MAP3K13: variants seen among roughly 807,000 people sequenced by gnomAD.
MAP3K13 encodes the protein mitogen-activated protein kinase kinase kinase 13, also known as leucine zipper-bearing kinase.
Under a neutral mutation model 104.0 loss-of-function variants are expected in MAP3K13, and 52 were observed. That is an observed-to-expected ratio of 0.50 (90% CI 0.40 to 0.63). The LOEUF (loss-of-function observed/expected upper bound fraction) is 0.63, where lower values mean the gene tolerates loss of function less well. Among genes scored for constraint, MAP3K13 ranks in the 20% least tolerant of loss-of-function variants. The pLI is 0.00. For synonymous variants in MAP3K13, 394 were observed against 442.2 expected (o/e 0.89, Z 1.37); for missense variants, 914 against 1,218.5 (o/e 0.75, Z 3.72).
At chr3:185,323,534 T>G (rs1721940198) in intron 2 of MAP3K13, among the ~76,000 whole-genome samples, 1 of 152,094 alleles carries the variant, frequency 6.6e-6, no homozygotes. Context: ...GGTTTTTCAG[T>G]GTAGGTCAGG....
At chr3:185,386,175 C>T (rs1560077987) in intron 1 of MAP3K13, among the ~76,000 whole-genome samples, 1 of 151,882 alleles carries the variant, frequency 6.6e-6, no homozygotes. Flanking sequence ...CAACAAAGGT[C>T]TAATATTCAG....
chr3:185,292,661 T>A, intron 2 of MAP3K13: 2 of 985,352 alleles, frequency 2.0e-6, no homozygotes, highest in Non-Finnish European at 2.4e-6. Flanking sequence ...TTCCCTCAGA[T>A]TTTGGGCCTA....
chr3:185,320,818 GATTAAACTGC>G (rs57785815), intron 2 of MAP3K13, among the ~76,000 whole-genome samples: 118,132 of 152,024 alleles, frequency 0.78, 46,444 homozygotes, highest in Non-Finnish European at 0.84. Flanking sequence ...ATTTGGCAGA[GATTAAACTGC>G]AATTTAAATA....
At chr3:185,350,396 AG>A (rs1252989213) in intron 2 of MAP3K13, among the ~76,000 whole-genome samples, 2 of 152,166 alleles carry the variant, frequency 1.3e-5, no homozygotes, top group Non-Finnish European at 2.9e-5. Flanking sequence ...CATGTTGGTC[AG>A]GCTGGGCTCA....
At chr3:185,459,723 T>G (rs572029932) in intron 7 of MAP3K13, among the ~76,000 whole-genome samples, 1 of 152,278 alleles carries the variant, frequency 6.6e-6, no homozygotes, top group East Asian at 1.9e-4. Flanking sequence ...GTGCTGGGAT[T>G]ATAGACATGA....
At chr3:185,455,224 G>GAGAT (rs1445480511) in intron 7 of MAP3K13, among the ~76,000 whole-genome samples, 5 of 45,072 alleles carry the variant, frequency 1.1e-4, no homozygotes, top group Non-Finnish European at 1.9e-4. Context: ...ATATATATAT[G>GAGAT]ATATATATGA....
intron 2 of MAP3K13, among the ~76,000 whole-genome samples, chr3:185,310,409 A>G (rs1247110872): frequency 2.0e-5 from 3 of 152,258 alleles, no homozygotes; most frequent in Non-Finnish European, 4.4e-5. Flanking sequence ...AAAGCAATCA[A>G]CAGACCCAGA....
chr3:185,398,739 A>T (rs1712578600), intron 1 of MAP3K13, among the ~76,000 whole-genome samples: 1 of 152,244 alleles, frequency 6.6e-6, no homozygotes, highest in African/African-American at 2.4e-5. Context: ...CTTCCTTCTT[A>T]TACGTATGCA....
At chr3:185,479,605 G>T (rs1718330463) in intron 12 of MAP3K13, among the ~76,000 whole-genome samples, 1 of 152,346 alleles carries the variant, frequency 6.6e-6, no homozygotes, top group South Asian at 2.1e-4. Context: ...TCAGCTTGGA[G>T]TGTAGTGTTT....
chr3:185,396,027 T>G (rs1299268228), intron 1 of MAP3K13, among the ~76,000 whole-genome samples: 1 of 152,152 alleles, frequency 6.6e-6, no homozygotes, highest in Non-Finnish European at 1.5e-5. Context: ...TATTACTGGT[T>G]TCCTTTTTTG....
At chr3:185,468,239 A>G (rs1197095160) in intron 10 of MAP3K13, among the ~76,000 whole-genome samples, 1 of 152,160 alleles carries the variant, frequency 6.6e-6, no homozygotes, top group Admixed American at 6.5e-5. Flanking sequence ...ATAATTACCT[A>G]TATCTAACCA....
In MAP3K13 at chr3:185,382,648, A is replaced by G. The variant is rs566355478; in HGVS notation, c.-86+19280A>G. 4.4e-4 allele frequency among the ~76,000 whole-genome samples: 67 copies of G among 152,024 alleles called. 2 individuals are homozygous for G. Among genetic ancestry groups the G allele is most frequent in the Non-Finnish European group, 1.9e-4 (13 of 68,004 alleles). On this transcript the variant is annotated intron_variant, in intron 1 of 13. Transcript: ENST00000265026. The stretch of plus-strand genomic sequence containing the variant: ...GATCCCTCATGAAGAGCTTGGCACC[A>G]TCCTCATGGGAATAAGTGGGTTTTC...
At chr3:185,324,037 G>A (rs1721961085) in intron 2 of MAP3K13, among the ~76,000 whole-genome samples, 1 of 152,054 alleles carries the variant, frequency 6.6e-6, no homozygotes, top group African/African-American at 2.4e-5. Flanking sequence ...TTGAGACGGA[G>A]TCTTGCTCTG....
intron 2 of MAP3K13, chr3:185,291,462 C>T: frequency 6.4e-6 from 5 of 780,340 alleles, no homozygotes; most frequent in South Asian, 2.6e-5. Context: ...AATTTTTTTC[C>T]TTTTCTTTGT....
intron 2 of MAP3K13, among the ~76,000 whole-genome samples, chr3:185,306,560 G>T (rs1483589865): frequency 6.6e-6 from 1 of 152,018 alleles, no homozygotes; most frequent in Non-Finnish European, 1.5e-5. Context: ...ATGTTTGTTG[G>T]GCTGCATGTA....
chr3:185,476,768 A>G (rs1718156394), intron 11 of MAP3K13, among the ~76,000 whole-genome samples: 1 of 152,240 alleles, frequency 6.6e-6, no homozygotes, highest in Admixed American at 6.5e-5. Context: ...ATATATATTT[A>G]TAGGGATAAC....
chr3:185,338,417 C>T (rs531663736), intron 2 of MAP3K13, among the ~76,000 whole-genome samples: 1 of 149,650 alleles, frequency 6.7e-6, no homozygotes, highest in African/African-American at 2.5e-5. Context: ...TTTGCTAGAA[C>T]TTTTCCCAGT....
intron 10 of MAP3K13, 71 bp from the exon 11 acceptor site, chr3:185,472,904 C>T: frequency 7.1e-7 from 1 of 1,399,854 alleles, no homozygotes; most frequent in South Asian, 1.3e-5. Flanking sequence ...TATTTTAAGT[C>T]TTAGGATACA....
intron 11 of MAP3K13, among the ~76,000 whole-genome samples, chr3:185,474,161 A>G (rs1344481678): frequency 6.6e-6 from 1 of 151,672 alleles, no homozygotes; most frequent in Non-Finnish European, 1.5e-5. Context: ...TGTCTCTACT[A>G]AAAAAAATAC....
Sources: gnomAD v4.1 joint callset for allele counts (sites outside exome capture counted in the v4.1 genomes callset) on GRCh38, gnomAD v4.1.1 for gene constraint, MANE v1.5 for transcripts, NCBI Gene and HGNC (gene_info 2026-07-23, HGNC 2026-07-21) for gene names.